Variants in PRMT7 observed in about 807,000 individuals in gnomAD.
PRMT7 encodes the protein protein arginine methyltransferase 7.
PRMT7 carries 75 observed loss-of-function variants against 85.4 expected under a neutral mutation model. That is an observed-to-expected ratio of 0.88 (90% CI 0.73 to 1.06). The LOEUF (loss-of-function observed/expected upper bound fraction) is 1.06. PRMT7 is among the 50% of genes least tolerant of loss of function. The pLI, the probability that PRMT7 is intolerant of heterozygous loss-of-function variation, is 0.00. For synonymous variants in PRMT7, 397 were observed against 359.5 expected (o/e 1.10, Z -1.18); for missense variants, 868 against 915.2 (o/e 0.95, Z 0.67).
chr16:68,353,248 T>C, intron 15 of PRMT7: 1 of 692,440 alleles, frequency 1.4e-6, no homozygotes. Flanking sequence ...GCCCCCAGCC[T>C]AGGAGCTCTG....
intron 9 of PRMT7, among the ~76,000 whole-genome samples, chr16:68,342,015 C>T (rs1035982678): frequency 4.6e-5 from 7 of 152,280 alleles, no homozygotes; most frequent in Admixed American, 2.0e-4. Context: ...TGGTGGCTCA[C>T]GCCTGTAATC....
chr16:68,323,254 C>G lies in PRMT7; in HGVS notation c.133-1429C>G, dbSNP rs140068347. On this transcript the variant is annotated intron_variant, in intron 4 of 18. Transcript: ENST00000441236. ...TTTTTTAACAAGAATGAGTCTCCCT[C>G]TGTTGCCAGGCTTTAGTGCAGTGGT... Among the ~76,000 whole-genome samples the G allele has an allele frequency of 7.0e-5, 10 of 142,590 alleles. No individual in the cohort carries two copies. The East Asian group carries it at 2.1e-3, about 29-fold the overall frequency. 93.5% of individuals were successfully genotyped at this position (142,590 alleles called of 152,430 possible).
rs750335287 is a variant in PRMT7 at position 68,324,635 on chromosome 16, CACTT to C, written c.133-42_133-39del. The C allele has an allele frequency of 4.6e-4, 733 of 1,606,732 alleles. 2 individuals are homozygous for C. The highest frequency in any genetic ancestry group is 5.8e-4 in the Non-Finnish European group (679 of 1,173,688). On this transcript the variant is annotated intron_variant, in intron 4 of 18. Coordinates refer to ENST00000441236, the MANE Select transcript of PRMT7 (RefSeq NM_019023.5). ...TCTAGAACTTTGCAAAGCACCTTTC[CACTT>C]ACTTATAATAACTGGTAGTAAGTGA...
chr16:68,312,425 A>G (rs1045308016), intron 2 of PRMT7, among the ~76,000 whole-genome samples: 2 of 151,896 alleles, frequency 1.3e-5, no homozygotes, highest in South Asian at 4.2e-4. Context: ...TTTGTAGAGA[A>G]CGGGGTCTCA....
chr16:68,350,517 T>C (rs1156689307), intron 14 of PRMT7, among the ~76,000 whole-genome samples: 1 of 152,196 alleles, frequency 6.6e-6, no homozygotes, highest in African/African-American at 2.4e-5. Flanking sequence ...CAATGACTGA[T>C]GATGGTGAAC....
chr16:68,329,822 T>C (rs1194155190), intron 6 of PRMT7, among the ~76,000 whole-genome samples: 20 of 151,432 alleles, frequency 1.3e-4, no homozygotes, highest in Non-Finnish European at 2.9e-4. Context: ...GCATACAACA[T>C]GAACAATTTT....
chr16:68,351,972 C>G, intron 14 of PRMT7: 1 of 317,234 alleles, frequency 3.2e-6, no homozygotes, highest in Middle Eastern at 8.8e-4. Context: ...CTCTTCTGCT[C>G]TGCTCTCCTG....
intron 3 of PRMT7, 122 bp from the exon 4 acceptor site, chr16:68,321,304 A>G: frequency 1.3e-6 from 1 of 762,946 alleles, no homozygotes; most frequent in Non-Finnish European, 2.0e-6. Flanking sequence ...AAAGACAACC[A>G]AAAAATAGTT....
In PRMT7 at chr16:68,353,501, C is replaced by T. The variant is rs750137705; in HGVS notation, c.1585C>T (p.Arg529Trp). The change falls in exon 16 of 19, where the codon CGG (arginine) becomes TGG (tryptophan). Residue 529 changes from arginine to tryptophan, a missense_variant. Coordinates refer to ENST00000441236, the MANE Select transcript of PRMT7 (RefSeq NM_019023.5). ...AVVVEFRDLWRIRSPCGDCEG... is the reference protein window; with the variant it reads ...AVVVEFRDLWWIRSPCGDCEG... The stretch of plus-strand genomic sequence containing the variant: ...TGCTCCTTCCTCACAGGACCTGTGG[C>T]GGATCCGGAGCCCCTGTGGTGACTG... 91 of 1,608,978 alleles carry T rather than the reference C, an allele frequency of 5.7e-5. No individual in the cohort carries two copies. The highest frequency in any genetic ancestry group is 9.0e-5 in the East Asian group (4 of 44,392).
intron 5 of PRMT7, 62 bp from the exon 6 acceptor site, chr16:68,329,004 A>C: frequency 8.5e-7 from 1 of 1,170,284 alleles, no homozygotes; most frequent in Non-Finnish European, 1.3e-6. Flanking sequence ...GCTCACCTTA[A>C]AGGTCAGACT....
chr16:68,323,888 A>G (rs2082788960), intron 4 of PRMT7: 1 of 152,236 alleles, frequency 6.6e-6, no homozygotes, highest in Non-Finnish European at 1.5e-5. Flanking sequence ...ACCGTTATAG[A>G]TGAAAGATGT....
chr16:68,352,172 T>A, intron 14 of PRMT7, 76 bp from the exon 15 acceptor site: 1 of 1,472,778 alleles, frequency 6.8e-7, no homozygotes, highest in Non-Finnish European at 9.2e-7. Flanking sequence ...AGTGGCCTGT[T>A]GCTTCCGTGT....
intron 2 of PRMT7, among the ~76,000 whole-genome samples, chr16:68,312,941 C>T (rs1028494563): frequency 2.0e-5 from 3 of 152,230 alleles, no homozygotes; most frequent in Non-Finnish European, 4.4e-5. Context: ...TCTCCTGCCT[C>T]AGCCTCCCAA....
At chr16:68,318,685 C>T (rs1690473614) in intron 3 of PRMT7, 1 of 152,142 alleles carries the variant, frequency 6.6e-6, no homozygotes, top group African/African-American at 2.4e-5. Flanking sequence ...AGGCATCTGC[C>T]ACCACACCTG....
At chr16:68,356,601 T>TG (rs2088558091) in intron 17 of PRMT7, 100 bp from the exon 18 acceptor site, 1 of 840,280 alleles carries the variant, frequency 1.2e-6, no homozygotes, top group Non-Finnish European at 1.9e-6. Flanking sequence ...AGGAAGGAAG[T>TG]GGGGAAGACC....
chr16:68,345,195 C>T (rs533183677), intron 9 of PRMT7, among the ~76,000 whole-genome samples: 15 of 152,184 alleles, frequency 9.9e-5, no homozygotes, highest in South Asian at 2.1e-4. Context: ...CCTCAGTCTA[C>T]GATCCAGTTA....
chr16:68,356,543 T>C (rs2088538095), intron 17 of PRMT7, among the ~76,000 whole-genome samples, 158 bp from the exon 18 acceptor site: 1 of 152,198 alleles, frequency 6.6e-6, no homozygotes, highest in Non-Finnish European at 1.5e-5. Flanking sequence ...CTGGGGTTTT[T>C]CTGAGGAACG....
chr16:68,335,453 G>A (rs1476637863), intron 6 of PRMT7, among the ~76,000 whole-genome samples: 1 of 152,140 alleles, frequency 6.6e-6, no homozygotes, highest in Non-Finnish European at 1.5e-5. Context: ...TCCAGTTGGA[G>A]TTTGATGTGA....
rs951261291 is a variant in PRMT7 at position 68,357,778 on chromosome 16, C to T, written c.*554C>T. 1 of 151,994 alleles carries T rather than the reference C, an allele frequency of 6.6e-6. No individual in the cohort carries two copies. The highest frequency in any genetic ancestry group is 2.5e-5 in the African/African-American group (1 of 40,750). The allele number at this position is 151,994 out of a possible 1,614,324, so 9.4% of individuals were successfully genotyped here. A position where few individuals can be genotyped will look rare whatever the true frequency, so the allele number is the denominator to read the frequency against. ...GGCCCTTTCACCTGACAGGTAACTT[C>T]AAGCCACATCCATAGGTGTCTGGCC... On this transcript the variant is annotated 3_prime_UTR_variant, in exon 19 of 19. Transcript: ENST00000441236.
Sources: allele counts gnomAD v4.1 joint callset (sites outside exome capture counted in the v4.1 genomes callset), GRCh38; gene constraint gnomAD v4.1.1; transcripts MANE v1.5; gene names NCBI Gene and HGNC (gene_info 2026-07-23, HGNC 2026-07-21).